TSHZ2: variants seen among roughly 807,000 people sequenced by gnomAD.
TSHZ2 encodes the protein teashirt zinc finger homeobox 2, also known as teashirt homolog 2.
Under a neutral mutation model 74.4 loss-of-function variants are expected in TSHZ2, and 21 were observed. That is an observed-to-expected ratio of 0.28 (90% CI 0.20 to 0.41). The LOEUF (loss-of-function observed/expected upper bound fraction) is 0.41, where lower values mean the gene tolerates loss of function less well. Among genes scored for constraint, TSHZ2 ranks in the 10% least tolerant of loss-of-function variants. The pLI, the probability that TSHZ2 is intolerant of heterozygous loss-of-function variation, is 1.00. For synonymous variants in TSHZ2, 540 were observed against 515.3 expected, an observed-to-expected ratio of 1.05 and a Z score of -0.65; for missense variants, 1,244 against 1,293.5, an observed-to-expected ratio of 0.96 and a Z score of 0.59.
chr20:53,427,571 C>A (rs1983698714), intron 2 of TSHZ2, among the ~76,000 whole-genome samples: 1 of 152,062 alleles, frequency 6.6e-6, no homozygotes, highest in Admixed American at 6.6e-5. Context: ...AGCAACAAGC[C>A]CAGGGTGGTT....
intron 1 of TSHZ2, among the ~76,000 whole-genome samples, chr20:53,065,746 G>A (rs1307288982): frequency 6.6e-6 from 1 of 152,186 alleles, no homozygotes; most frequent in Non-Finnish European, 1.5e-5. Flanking sequence ...CTGCAGACGT[G>A]AATATATAGG....
chr20:53,338,474 T>C (rs1980046449), intron 2 of TSHZ2, among the ~76,000 whole-genome samples: 1 of 152,224 alleles, frequency 6.6e-6, no homozygotes, highest in South Asian at 2.1e-4. Context: ...TTAAATAACT[T>C]GTCCCAGGTC....
At chr20:53,200,134 A>T (rs771957565) in intron 1 of TSHZ2, among the ~76,000 whole-genome samples, 11 of 152,200 alleles carry the variant, frequency 7.2e-5, no homozygotes, top group Non-Finnish European at 1.6e-4. Flanking sequence ...CGATTGCCAG[A>T]AGCTGCAATG....
At chr20:53,296,391 C>A (rs1012062179) in intron 2 of TSHZ2, among the ~76,000 whole-genome samples, 65 of 152,136 alleles carry the variant, frequency 4.3e-4, no homozygotes, top group Admixed American at 4.2e-3. Context: ...GCATGATCAC[C>A]CAACATTCAA....
chr20:53,135,377 A>G (rs1161772574), intron 1 of TSHZ2, among the ~76,000 whole-genome samples: 1 of 152,182 alleles, frequency 6.6e-6, no homozygotes, highest in Non-Finnish European at 1.5e-5. Context: ...AATAATGTAT[A>G]TAGATAGAAG....
intron 1 of TSHZ2, among the ~76,000 whole-genome samples, chr20:53,169,606 A>G (rs1988144335): frequency 2.0e-5 from 3 of 152,200 alleles, no homozygotes; most frequent in South Asian, 4.1e-4. Context: ...AATCTGTTGC[A>G]TGAATGAGTT....
intron 2 of TSHZ2, among the ~76,000 whole-genome samples, chr20:53,271,394 AGCCC>A (rs1425168662): frequency 1.3e-5 from 2 of 152,272 alleles, no homozygotes; most frequent in African/African-American, 4.8e-5. Context: ...GCACCTGCCT[AGCCC>A]TGTATCAGGC....
At chr20:53,311,181 A>T (rs756771360) in intron 2 of TSHZ2, among the ~76,000 whole-genome samples, 2 of 152,244 alleles carry the variant, frequency 1.3e-5, no homozygotes, top group African/African-American at 4.8e-5. Flanking sequence ...AATTGCCTAT[A>T]GTCAAAATTA....
At chr20:53,467,254 A>G (rs1424367270) in intron 2 of TSHZ2, among the ~76,000 whole-genome samples, 7 of 152,236 alleles carry the variant, frequency 4.6e-5, no homozygotes, top group Admixed American at 3.9e-4. Flanking sequence ...TTCTGAATTG[A>G]CAACTGATTT....
intron 2 of TSHZ2, among the ~76,000 whole-genome samples, chr20:53,311,374 T>A (rs1978778358): frequency 6.6e-6 from 1 of 152,228 alleles, no homozygotes; most frequent in African/African-American, 2.4e-5. Flanking sequence ...AATATAAACT[T>A]CTAACAGTAA....
chr20:53,073,284 CCATCCATCCCTT>C (rs1260783018), intron 1 of TSHZ2, among the ~76,000 whole-genome samples: 1 of 141,626 alleles, frequency 7.1e-6, no homozygotes, highest in African/African-American at 3.0e-5. Context: ...CTCCATTCAT[CCATCCATCCCTT>C]CATCCATCCA....
At chr20:53,008,656 G>C (rs1350393935) in intron 1 of TSHZ2, among the ~76,000 whole-genome samples, 1 of 152,024 alleles carries the variant, frequency 6.6e-6, no homozygotes, top group African/African-American at 2.4e-5. Context: ...GTCAAGGTAG[G>C]GGGCTGATAT....
At chr20:53,078,206 A>G (rs1247310905) in intron 1 of TSHZ2, among the ~76,000 whole-genome samples, 2 of 152,358 alleles carry the variant, frequency 1.3e-5, no homozygotes, top group Non-Finnish European at 2.9e-5. Flanking sequence ...CCCAAAATCT[A>G]AAAACATATG....
intron 1 of TSHZ2, chr20:53,168,533 A>G (rs187389660): frequency 2.0e-5 from 3 of 152,356 alleles, no homozygotes; most frequent in Admixed American, 1.3e-4. Context: ...GGAAAAATTG[A>G]TTGAATATAT....
rs1988747222 is a variant in TSHZ2 at position 53,191,968 on chromosome 20, C to T, written c.41-61531C>T. 2.6e-5 allele frequency among the ~76,000 whole-genome samples: 4 copies of T among 151,788 alleles called. No individual in the cohort carries two copies. In the South Asian group the frequency reaches 8.3e-4, roughly 32 times the overall value. On this transcript the variant is annotated intron_variant, in intron 1 of 2. Coordinates refer to ENST00000371497, the MANE Select transcript of TSHZ2 (RefSeq NM_173485.6). ...TGTCTCTTTTTATTTTGCTTTGGTT[C>T]CAGTCTAGTTAACTCAAAATGCATG... is the stretch of plus-strand genomic sequence containing the variant.
At chr20:53,139,637 A>G (rs889606441) in intron 1 of TSHZ2, among the ~76,000 whole-genome samples, 1 of 152,246 alleles carries the variant, frequency 6.6e-6, no homozygotes, top group Non-Finnish European at 1.5e-5. Flanking sequence ...CGTGTCAGAT[A>G]GAGGGCTAGC....
intron 1 of TSHZ2, among the ~76,000 whole-genome samples, chr20:53,137,885 T>G (rs1413460035): frequency 2.6e-5 from 4 of 152,186 alleles, no homozygotes; most frequent in African/African-American, 9.7e-5. Context: ...ACATTTCATT[T>G]GAATAGTTGT....
At chr20:53,028,099 T>C (rs995134275) in intron 1 of TSHZ2, among the ~76,000 whole-genome samples, 4 of 152,096 alleles carry the variant, frequency 2.6e-5, no homozygotes, top group African/African-American at 7.2e-5. Flanking sequence ...GGAAATCCAG[T>C]CTCTTCTCTC....
intron 1 of TSHZ2, among the ~76,000 whole-genome samples, chr20:53,225,499 T>C (rs1342992691): frequency 6.6e-6 from 1 of 152,210 alleles, no homozygotes; most frequent in Non-Finnish European, 1.5e-5. Flanking sequence ...GACTTCGCCC[T>C]CAGTGCTGGA....
Sources: allele counts gnomAD v4.1 joint callset (sites outside exome capture counted in the v4.1 genomes callset), GRCh38; gene constraint gnomAD v4.1.1; transcripts MANE v1.5; gene names NCBI Gene and HGNC (gene_info 2026-07-23, HGNC 2026-07-21).